The following SHISA9 variants were observed in gnomAD, a reference collection of about 807,000 sequenced individuals.
SHISA9 encodes shisa family member 9.
SHISA9 carries 13 observed loss-of-function variants against 38.0 expected under a neutral mutation model. The ratio of observed to expected loss-of-function variants is 0.34; its 90% CI spans 0.22 to 0.54. SHISA9 has a LOEUF of 0.54. Among genes scored for constraint, SHISA9 ranks in the 20% least tolerant of loss-of-function variants. The pLI is 0.91. For missense variants in SHISA9, 538 were observed against 575.8 expected, an observed-to-expected ratio of 0.93 and a Z score of 0.67; for synonymous variants, 275 against 242.0, an observed-to-expected ratio of 1.14 and a Z score of -1.27.
intron 2 of SHISA9, among the ~76,000 whole-genome samples, chr16:13,120,378 C>T (rs1167368237): frequency 6.6e-6 from 1 of 152,134 alleles, no homozygotes; most frequent in Non-Finnish European, 1.5e-5. Flanking sequence ...ACATCTGTTC[C>T]TTCCCCACGA....
chr16:12,985,222 A>AAAAT (rs922243831), intron 2 of SHISA9, among the ~76,000 whole-genome samples: 1 of 139,858 alleles, frequency 7.2e-6, no homozygotes, highest in African/African-American at 2.8e-5. Context: ...CTGTCAACGA[A>AAAAT]AAATAAATAA....
the SHISA9 span, among the ~76,000 whole-genome samples, chr16:13,552,968 G>T: frequency 6.6e-6 from 1 of 151,924 alleles, no homozygotes; most frequent in Non-Finnish European, 1.5e-5. Context: ...CGTTTGTTGT[G>T]GGGGCCTGTT....
At chr16:13,155,567 T>C (rs1235439311) in intron 2 of SHISA9, among the ~76,000 whole-genome samples, 1 of 148,740 alleles carries the variant, frequency 6.7e-6, no homozygotes, top group Non-Finnish European at 1.5e-5. Flanking sequence ...TGGCCTTTCA[T>C]AGTGTGTTTG....
intron 2 of SHISA9, among the ~76,000 whole-genome samples, chr16:13,001,374 G>A (rs1297808279): frequency 6.6e-6 from 1 of 151,454 alleles, no homozygotes; most frequent in East Asian, 1.9e-4. Context: ...CACTGACTAA[G>A]GATCGGGGGG....
At chr16:13,014,587 A>G (rs2072718703) in intron 2 of SHISA9, among the ~76,000 whole-genome samples, 1 of 152,220 alleles carries the variant, frequency 6.6e-6, no homozygotes, top group African/African-American at 2.4e-5. Context: ...CAGAATGAGC[A>G]TGAACACCCA....
At chr16:13,422,887 G>T in the SHISA9 span, among the ~76,000 whole-genome samples, 1 of 152,086 alleles carries the variant, frequency 6.6e-6, no homozygotes, top group Non-Finnish European at 1.5e-5. Flanking sequence ...CAGTCTTATT[G>T]CACGTGAGAG....
chr16:13,520,777 G>A, the SHISA9 span, among the ~76,000 whole-genome samples: 1 of 152,060 alleles, frequency 6.6e-6, no homozygotes, highest in Admixed American at 6.6e-5. Flanking sequence ...AGTCGACTAA[G>A]TGATAATAAA....
At chr16:13,457,461 T>C in the SHISA9 span, among the ~76,000 whole-genome samples, 4 of 152,008 alleles carry the variant, frequency 2.6e-5, no homozygotes, top group African/African-American at 9.7e-5. Flanking sequence ...GTCATCAGAC[T>C]CTCACAGCCA....
At chr16:13,439,071 T>C in the SHISA9 span, among the ~76,000 whole-genome samples, 14 of 151,952 alleles carry the variant, frequency 9.2e-5, no homozygotes, top group African/African-American at 3.1e-4. Flanking sequence ...GGAAGACAAA[T>C]AGTGCATGAG....
At chr16:13,038,976 T>G (rs1007782398) in intron 2 of SHISA9, among the ~76,000 whole-genome samples, 4 of 152,216 alleles carry the variant, frequency 2.6e-5, no homozygotes, top group African/African-American at 9.7e-5. Context: ...TGGTGAAATC[T>G]CTGCTCACTG....
the SHISA9 span, among the ~76,000 whole-genome samples, chr16:13,461,903 G>A: frequency 2.0e-5 from 3 of 152,006 alleles, no homozygotes; most frequent in African/African-American, 4.8e-5. Context: ...GTGAGCCACC[G>A]TGCCCGGCCT....
chr16:12,921,837 G>A (rs560564696), intron 2 of SHISA9, among the ~76,000 whole-genome samples: 1 of 152,236 alleles, frequency 6.6e-6, no homozygotes, highest in East Asian at 1.9e-4. Flanking sequence ...ATAGATCGAG[G>A]CATATATAAC....
At chr16:13,047,134 A>G (rs1054453567) in intron 2 of SHISA9, among the ~76,000 whole-genome samples, 1 of 152,182 alleles carries the variant, frequency 6.6e-6, no homozygotes. Context: ...GGGTCTCCCC[A>G]GTTCTCAACT....
At chr16:13,318,323 A>AT in the SHISA9 span, among the ~76,000 whole-genome samples, 3,202 of 145,650 alleles carry the variant, frequency 0.022, 50 homozygotes, top group Middle Eastern at 0.043. Context: ...AAATACCTCC[A>AT]TTTTTTTTTT....
chr16:13,199,780 G>A (rs1477328064), intron 2 of SHISA9, among the ~76,000 whole-genome samples: 1 of 152,156 alleles, frequency 6.6e-6, no homozygotes, highest in African/African-American at 2.4e-5. Flanking sequence ...TTATAAGAAG[G>A]AGGTATTGGG....
intron 2 of SHISA9, among the ~76,000 whole-genome samples, chr16:13,141,656 C>A (rs1308999664): frequency 6.6e-6 from 1 of 151,974 alleles, no homozygotes; most frequent in Admixed American, 6.6e-5. Context: ...ATACTCCAGC[C>A]AGGTGACAGA....
chr16:12,961,601 A>G (rs891899309), intron 2 of SHISA9, among the ~76,000 whole-genome samples: 3 of 152,180 alleles, frequency 2.0e-5, no homozygotes, highest in Non-Finnish European at 4.4e-5. Context: ...GGAAGAGAAC[A>G]GAGTTTTTCA....
At chr16:13,304,769 C>T in the SHISA9 span, among the ~76,000 whole-genome samples, 1 of 152,092 alleles carries the variant, frequency 6.6e-6, no homozygotes, top group Non-Finnish European at 1.5e-5. Flanking sequence ...AGCAACACAC[C>T]CAGAGCTGAA....
the SHISA9 span, chr16:13,458,695 G>T: frequency 4.1e-6 from 1 of 246,424 alleles, no homozygotes; most frequent in South Asian, 4.9e-5. Flanking sequence ...TCTTGAGGAT[G>T]TAAAAAAAAA....
Sources: allele counts gnomAD v4.1 joint callset (sites outside exome capture counted in the v4.1 genomes callset), GRCh38; gene constraint gnomAD v4.1.1; transcripts MANE v1.5; gene names NCBI Gene and HGNC (gene_info 2026-07-23, HGNC 2026-07-21).